Variants in NKX3-2 observed in about 807,000 individuals in gnomAD.
NKX3-2 encodes the protein NK3 homeobox 2, also known as homeobox protein Nkx-3.2.
In NKX3-2, 13 loss-of-function variants were observed where a neutral mutation model predicts 19.4. The observed-to-expected ratio is 0.67, with a 90% CI of 0.44 to 1.07. NKX3-2 has a LOEUF of 1.07. Ranked by LOEUF, NKX3-2 falls within the 50% of genes least tolerant of loss-of-function variation. NKX3-2 has a pLI of 0.00. For synonymous variants in NKX3-2, 269 were observed against 230.5 expected (o/e 1.17, Z -1.51); for missense variants, 562 against 488.2 (o/e 1.15, Z -1.42).
At position 13,542,639 on chromosome 4, in the gene NKX3-2, C is replaced by A; in HGVS notation, c.467-111G>T. On this transcript the variant is annotated intron_variant, in intron 1 of 1. Coordinates refer to ENST00000382438, the MANE Select transcript of NKX3-2 (RefSeq NM_001189.4). This position sits in a 1 kb window ranked among gnomAD's most constrained non-coding sequence, Gnocchi z 6.4. ...AGTGGGGCGGAAATACACTTTGATC[C>A]CACTCAAGCGGAGCGGAGGTCTGGG... 1 of 1,401,860 alleles carries A rather than the reference C, an allele frequency of 7.1e-7. No homozygotes were observed. Among genetic ancestry groups the A allele is most frequent in the Non-Finnish European group, 9.9e-7 (1 of 1,008,728 alleles). 86.8% of individuals were successfully genotyped at this position (1,401,860 alleles called of 1,614,324 possible). A position where few individuals can be genotyped will look rare whatever the true frequency, so the allele number is the denominator to read the frequency against.
upstream of NKX3-2, chr4:13,547,195 A>T: frequency 2.2e-6 from 1 of 456,350 alleles, no homozygotes; most frequent in Non-Finnish European, 4.4e-6. Context: ...ATCCCGGCGT[A>T]ACTACGGAGT....
At chr4:13,545,290 C>T (rs898248527), upstream of NKX3-2, among the ~76,000 whole-genome samples, 1 of 152,242 alleles carries the variant, frequency 6.6e-6, no homozygotes, top group South Asian at 2.1e-4. Context: ...AACCACGTTT[C>T]TTACCTCTGC....
rs753562424 is a variant in NKX3-2, at chr4:13,544,040, G to A, written c.375C>T (p.Leu125=). 286 of 1,561,532 alleles carry A rather than the reference G, an allele frequency of 1.8e-4. No homozygotes were observed. Among genetic ancestry groups the A allele is most frequent in the Non-Finnish European group, 2.3e-4 (271 of 1,156,840 alleles). ...CGGCCAGCTCACAGACCGGCTGGCCGAGGCTCAAGGATCCCCCCGCAAGGC... is the reference window on the plus strand; with the variant it reads ...CGGCCAGCTCACAGACCGGCTGGCCAAGGCTCAAGGATCCCCCCGCAAGGC... ...GAGLAGGSLS[L]GQPVCELAAS... Residue 125 remains leucine, a synonymous_variant, in exon 1 of 2, where the codon CTC becomes CTT. Transcript: ENST00000382438.
At position 13,541,829 on chromosome 4, in the gene NKX3-2, G is replaced by T; in HGVS notation, c.*164C>A. The T allele has an allele frequency of 8.8e-7, 1 of 1,130,760 alleles. No individual in the cohort carries two copies. Among genetic ancestry groups the T allele is most frequent in the Non-Finnish European group, 1.2e-6 (1 of 806,918 alleles). The allele number at this position is 1,130,760 out of a possible 1,614,324, so 70.0% of individuals were successfully genotyped here. ...AAGGCGCCCCCTCAGGGCAGACTCAGCCCAGCTGCCAGGGGACAAGTCCTG... is the reference window on the plus strand; with the variant it reads ...AAGGCGCCCCCTCAGGGCAGACTCATCCCAGCTGCCAGGGGACAAGTCCTG... On this transcript the variant is annotated 3_prime_UTR_variant, in exon 2 of 2. Coordinates refer to ENST00000382438, the MANE Select transcript of NKX3-2 (RefSeq NM_001189.4).
At chr4:13,546,530 G>T (rs1029565006), upstream of NKX3-2, 2 of 215,362 alleles carry the variant, frequency 9.3e-6, no homozygotes, top group African/African-American at 4.6e-5. Flanking sequence ...TTCGGGCAGG[G>T]ATGTTGGGAA....
At chr4:13,546,737 A>G (rs1718140220), upstream of NKX3-2, 1 of 364,170 alleles carries the variant, frequency 2.7e-6, no homozygotes, top group African/African-American at 2.1e-5. Context: ...GTTTGGGGCT[A>G]CGTAAAGACT....
Position 13,542,582 on chromosome 4 carries a change from T to A in NKX3-2, c.467-54A>T. 6.3e-7 allele frequency: 1 copy of A among 1,591,172 alleles called. No individual in the cohort carries two copies. Among genetic ancestry groups the A allele is most frequent in the Non-Finnish European group, 8.5e-7 (1 of 1,175,228 alleles). ...GAGACTGTCAGCGCCACAGACGAGG[T>A]GAGGCCGGGCCTCAACTGCAGGGGT... On this transcript the variant is annotated intron_variant, in intron 1 of 1. Transcript: ENST00000382438. The surrounding 1 kb of genome is among the most constrained non-coding windows in gnomAD (Gnocchi z 6.4).
At chr4:13,545,273 C>T (rs116166608), upstream of NKX3-2, among the ~76,000 whole-genome samples, 910 of 152,310 alleles carry the variant, frequency 6.0e-3, 12 homozygotes, top group African/African-American at 0.02. Context: ...GAGGCTCATC[C>T]GACCCAAACC....
Position 13,543,866 on chromosome 4 carries a change from A to G in NKX3-2, c.466+83T>C, listed in dbSNP as rs1718048580. The G allele has an allele frequency of 1.6e-6, 2 of 1,286,288 alleles. No individual in the cohort carries two copies. Among genetic ancestry groups the G allele is most frequent in the Admixed American group, 2.9e-5 (1 of 35,006 alleles). The allele number at this position is 1,286,288 out of a possible 1,614,324, so 79.7% of individuals were successfully genotyped here. A position where few individuals can be genotyped will look rare whatever the true frequency, so the allele number is the denominator to read the frequency against. ...CCGAGCCCCAGGGCGCAGGGTGCTC[A>G]AGCCGACCACCCCACTCGGCGTGGT... On this transcript the variant is annotated intron_variant, in intron 1 of 1. Transcript: ENST00000382438. This position sits in a 1 kb window ranked among gnomAD's most constrained non-coding sequence, Gnocchi z 7.1.
At chr4:13,545,424 G>A (rs1238212139), upstream of NKX3-2, among the ~76,000 whole-genome samples, 1 of 152,188 alleles carries the variant, frequency 6.6e-6, no homozygotes, top group African/African-American at 2.4e-5. Context: ...TCTCTAGGAA[G>A]GATTATAAAC....
At chr4:13,545,045 C>G (rs1308815303), upstream of NKX3-2, 1 of 152,362 alleles carries the variant, frequency 6.6e-6, no homozygotes, top group Non-Finnish European at 1.5e-5. Flanking sequence ...TACCACCCCC[C>G]TCCCGCCCGG....
chr4:13,542,063 T>C lies in NKX3-2; in HGVS notation c.932A>G (p.Tyr311Cys). 3.1e-6 allele frequency: 5 copies of C among 1,607,784 alleles called. No individual in the cohort carries two copies. The highest frequency in any genetic ancestry group is 4.2e-6 in the Non-Finnish European group (5 of 1,177,006). The change falls in exon 2 of 2, where the codon TAC becomes TGC. Residue 311 changes from tyrosine to cysteine, a missense_variant. Transcript: ENST00000382438. This position sits in a 1 kb window ranked among gnomAD's most constrained non-coding sequence, Gnocchi z 6.4. ...TGGGAGGCAGTAGTACGGGTAATAG[T>C]AGGAGGGCTGCAGTGGCAGAAGCGA... ...PPSLLPLQPS[Y>C]YYPYYCLPGW...
chr4:13,542,483 C>T lies in NKX3-2; in HGVS notation c.512G>A (p.Gly171Asp). 1 of 1,596,638 alleles carries T rather than the reference C, an allele frequency of 6.3e-7. No individual in the cohort carries two copies. Among genetic ancestry groups the T allele is most frequent in the Non-Finnish European group, 8.5e-7 (1 of 1,179,518 alleles). ...RTEDDGVGPR[G>D]AHVSALCSGA... Reference sequence around the variant, plus strand: ...GCTGCACAGCGCGGACACGTGTGCACCTCTGGGGCCAACACCGTCGTCCTC... The same window carrying T: ...GCTGCACAGCGCGGACACGTGTGCATCTCTGGGGCCAACACCGTCGTCCTC... Residue 171 changes from glycine to aspartate, a missense_variant, in exon 2 of 2, where the codon GGT (glycine) becomes GAT (aspartate). Physicochemically the swap from Gly to Asp is moderately conservative, Grantham distance 94 (BLOSUM62 -1). Coordinates refer to ENST00000382438, the MANE Select transcript of NKX3-2 (RefSeq NM_001189.4). The surrounding 1 kb of genome is among the most constrained non-coding windows in gnomAD (Gnocchi z 6.4).
chr4:13,546,280 T>G (rs76553508), upstream of NKX3-2: 2,339 of 152,812 alleles, frequency 0.015, 34 homozygotes, highest in Non-Finnish European at 0.022. Context: ...TTCGGTTACA[T>G]GATGCTTTCT....
chr4:13,547,059 G>C (rs777857850), upstream of NKX3-2: 1 of 456,370 alleles, frequency 2.2e-6, no homozygotes, highest in South Asian at 1.5e-5. Context: ...AGAGCCGGGA[G>C]TTGGGTGCTT....
rs1428842130 is a variant in NKX3-2, at chr4:13,542,848, C to T, written c.467-320G>A. On this transcript the variant is annotated intron_variant, in intron 1 of 1. Transcript: ENST00000382438. The surrounding 1 kb of genome is among the most constrained non-coding windows in gnomAD (Gnocchi z 6.4). The stretch of plus-strand genomic sequence containing the variant: ...TTGGGGCACTCGACCCGAGCATCCG[C>T]GAAAGCCCTCCCGGCTCTCAGCGTT... 1.3e-5 allele frequency among the ~76,000 whole-genome samples: 2 copies of T among 151,990 alleles called. No homozygotes were observed. Among genetic ancestry groups the T allele is most frequent in the African/African-American group, 2.4e-5 (1 of 41,404 alleles).
upstream of NKX3-2, chr4:13,547,111 A>C (rs1244368425): frequency 2.2e-6 from 1 of 456,196 alleles, no homozygotes; most frequent in Non-Finnish European, 4.4e-6. Context: ...TGCAACTAGA[A>C]GCTGCTCCTA....
rs1045741664 is a variant in NKX3-2 at position 13,544,338 on chromosome 4, C to A, written c.77G>T (p.Gly26Val). The A allele has an allele frequency of 5.2e-6, 8 of 1,533,332 alleles. No homozygotes were observed. Among genetic ancestry groups the A allele is most frequent in the African/African-American group, 2.8e-5 (2 of 70,720 alleles). The allele number at this position is 1,533,332 out of a possible 1,614,324, so 95.0% of individuals were successfully genotyped here. A position where few individuals can be genotyped will look rare whatever the true frequency, so the allele number is the denominator to read the frequency against. ...AILNKKEERG[G>V]LAAPEGRPAP... Reference sequence around the variant, plus strand: ...CGGGCGCCCCTCTGGCGCGGCCAGCCCGCCGCGCTCCTCTTTCTTGTTGAG... The same window carrying A: ...CGGGCGCCCCTCTGGCGCGGCCAGCACGCCGCGCTCCTCTTTCTTGTTGAG... The change falls in exon 1 of 2, where the codon GGG becomes GTG. Residue 26 changes from glycine (G) to valine (V), a missense_variant. Physicochemically the swap from Gly to Val is moderately radical, Grantham distance 109. Transcript: ENST00000382438.
chr4:13,547,200 C>T (rs1463158692), upstream of NKX3-2: 1 of 456,362 alleles, frequency 2.2e-6, no homozygotes, highest in Non-Finnish European at 4.4e-6. Flanking sequence ...GGCGTAACTA[C>T]GGAGTCCAGG....
Sources: gnomAD v4.1 joint callset for allele counts (sites outside exome capture counted in the v4.1 genomes callset) on GRCh38, gnomAD v4.1.1 for gene constraint, Gnocchi (gnomAD v3.1) non-coding constraint, MANE v1.5 for transcripts, NCBI Gene and HGNC (gene_info 2026-07-23, HGNC 2026-07-21) for gene names.